G3BP2: variants seen among roughly 807,000 people sequenced by gnomAD.
G3BP2 encodes ras GTPase-activating protein-binding protein 2.
In G3BP2, 11 loss-of-function variants were observed where a neutral mutation model predicts 56.7. The observed-to-expected ratio is 0.19, with a 90% confidence interval of 0.12 to 0.32. The LOEUF (loss-of-function observed/expected upper bound fraction) is 0.32, where lower values mean the gene tolerates loss of function less well. G3BP2 is among the 10% of genes least tolerant of loss of function. The pLI is 1.00. For synonymous variants in G3BP2, 165 were observed against 191.6 expected, an observed-to-expected ratio of 0.86 and a Z score of 1.15; for missense variants, 340 against 610.9, an observed-to-expected ratio of 0.56 and a Z score of 4.67.
At chr4:75,715,303 A>G in intron 3 of G3BP2, among the ~76,000 whole-genome samples, 1 of 34,518 alleles carries the variant, frequency 2.9e-5, no homozygotes, top group African/African-American at 5.5e-5. Context: ...GTACTGAAGG[A>G]AAAAAAAACT....
At chr4:75,707,088 A>G (rs889408491) in intron 3 of G3BP2, among the ~76,000 whole-genome samples, 3 of 145,408 alleles carry the variant, frequency 2.1e-5, no homozygotes, top group Non-Finnish European at 3.0e-5. Context: ...GCTACTCGGG[A>G]GGCTGGGGCA....
Position 75,656,972 on chromosome 4 carries a change from G to T in G3BP2, c.394C>A (p.Arg132Ser). ...TCACCAAACACTTCATCTTCATAAC[G>T]AAACATATCATTGTGAACATAAAAT... ...NKFYVHNDMF[R>S]YEDEVFGDSE... is the part of the protein sequence containing the mutation. The change falls in exon 5 of 12, where the codon CGT (arginine) becomes AGT (serine). Residue 132 changes from arginine to serine, a missense_variant. Arg to Ser is a moderately radical substitution (Grantham distance 110). Transcript: ENST00000359707. 1 of 1,536,024 alleles carries T rather than the reference G, an allele frequency of 6.5e-7. No homozygotes were observed.
In G3BP2 at chr4:75,655,219, T is replaced by C; in HGVS notation, c.573A>G (p.Glu191=). The change falls in exon 7 of 12, where the codon GAA becomes GAG. Residue 191 remains glutamate, a synonymous_variant. Coordinates refer to ENST00000359707, the MANE Select transcript of G3BP2 (RefSeq NM_203505.3). The part of the protein sequence containing the change: ...VTNGIEEPLE[E]SSHEPEPEPE... Reference sequence around the variant, plus strand: ...GCTCAGGTTCAGGTTCATGAGAGGATTCTTCCAAAGGCTCCTCTATGCCAT... The same window carrying C: ...GCTCAGGTTCAGGTTCATGAGAGGACTCTTCCAAAGGCTCCTCTATGCCAT... The C allele has an allele frequency of 1.9e-6, 3 of 1,612,806 alleles. No homozygotes were observed. The highest frequency in any genetic ancestry group is 2.5e-6 in the Non-Finnish European group (3 of 1,178,862).
chr4:75,654,460 T>C (rs1410892474), intron 7 of G3BP2, among the ~76,000 whole-genome samples: 1 of 152,120 alleles, frequency 6.6e-6, no homozygotes, highest in African/African-American at 2.4e-5. Context: ...GAGGGAAGGA[T>C]AGGAAAGAAG....
At chr4:75,693,613 A>AC (rs1376676928) in intron 3 of G3BP2, among the ~76,000 whole-genome samples, 18 of 151,528 alleles carry the variant, frequency 1.2e-4, no homozygotes, top group African/African-American at 4.4e-4. Flanking sequence ...AGTTGGTGAA[A>AC]CCCCATCTCT....
chr4:75,659,285 G>GT (rs997717862), intron 2 of G3BP2, among the ~76,000 whole-genome samples: 1 of 152,064 alleles, frequency 6.6e-6, no homozygotes, highest in Non-Finnish European at 1.5e-5. Flanking sequence ...AATTGACCCT[G>GT]TTTTTTTCTT....
In G3BP2 at chr4:75,645,231, A is replaced by G; in HGVS notation, c.*199T>C. ...TCCTTAATTCTCCAAGTCTAGATTT[A>G]TAAATTAACAATGTGAATCCTGTTG... On this transcript the variant is annotated 3_prime_UTR_variant, in exon 12 of 12. Transcript: ENST00000359707. The G allele has an allele frequency of 1.7e-6, 1 of 590,426 alleles. No homozygotes were observed. Among genetic ancestry groups the G allele is most frequent in the East Asian group, 2.8e-5 (1 of 35,196 alleles). 36.6% of individuals were successfully genotyped at this position (590,426 alleles called of 1,614,324 possible).
Position 75,655,249 on chromosome 4 carries a change from A to G in G3BP2, c.546-3T>C. 6.3e-7 allele frequency: 1 copy of G among 1,595,724 alleles called. No individual in the cohort carries two copies. Among genetic ancestry groups the G allele is most frequent in the Non-Finnish European group, 8.5e-7 (1 of 1,169,836 alleles). ...CCAAAGGCTCCTCTATGCCATTACTACAATAAAATATTTAGTTCACTTTTT... is the reference window on the plus strand; with the variant it reads ...CCAAAGGCTCCTCTATGCCATTACTGCAATAAAATATTTAGTTCACTTTTT... On this transcript the variant is annotated splice_region_variant and splice_polypyrimidine_tract_variant and intron_variant, in intron 6 of 11. Coordinates refer to ENST00000359707, the MANE Select transcript of G3BP2 (RefSeq NM_203505.3).
At chr4:75,657,152 TATG>T (rs1168637754) in intron 4 of G3BP2, 138 bp from the exon 5 acceptor site, 1 of 542,890 alleles carries the variant, frequency 1.8e-6, no homozygotes, top group Non-Finnish European at 3.2e-6. Flanking sequence ...CTGAACATGC[TATG>T]ATGTTTATAT....
At chr4:75,704,643 A>T (rs1719475366) in intron 3 of G3BP2, among the ~76,000 whole-genome samples, 1 of 140,062 alleles carries the variant, frequency 7.1e-6, no homozygotes, top group Admixed American at 7.1e-5. Flanking sequence ...ATTTAATTTA[A>T]TTTTTTTGAG....
intron 3 of G3BP2, among the ~76,000 whole-genome samples, chr4:75,720,375 G>A (rs934020788): frequency 6.6e-6 from 1 of 151,884 alleles, no homozygotes; most frequent in African/African-American, 2.4e-5. Context: ...GGTGGCGGGC[G>A]CCTGTAGTCC....
intron 3 of G3BP2, among the ~76,000 whole-genome samples, chr4:75,719,696 T>C (rs1027846159): frequency 6.6e-6 from 1 of 151,912 alleles, no homozygotes; most frequent in African/African-American, 2.4e-5. Context: ...TTTAAGCGAT[T>C]CTCCTGCCTC....
intron 1 of G3BP2, among the ~76,000 whole-genome samples, chr4:75,665,633 AC>A (rs1226669969): frequency 3.1e-5 from 2 of 65,438 alleles, no homozygotes; most frequent in African/African-American, 1.0e-4. Flanking sequence ...ACAAACACAC[AC>A]ACACACACAA....
At chr4:75,689,408 C>A (rs1392663239) in intron 3 of G3BP2, among the ~76,000 whole-genome samples, 1 of 151,666 alleles carries the variant, frequency 6.6e-6, no homozygotes, top group African/African-American at 2.4e-5. Context: ...CCAAATCATG[C>A]CAATGGAAAA....
At chr4:75,704,374 G>C (rs907761637) in intron 3 of G3BP2, among the ~76,000 whole-genome samples, 8 of 151,992 alleles carry the variant, frequency 5.3e-5, no homozygotes, top group Middle Eastern at 3.2e-3. Context: ...CTAGAGTGCA[G>C]TGGTGCTATC....
chr4:75,656,860 G>C, intron 5 of G3BP2, 64 bp downstream of exon 5: 1 of 746,922 alleles, frequency 1.3e-6, no homozygotes, highest in Non-Finnish European at 2.3e-6. Context: ...CATACTTATA[G>C]AAATTAGTCC....
At chr4:75,710,850 A>T (rs916353366) in intron 3 of G3BP2, among the ~76,000 whole-genome samples, 16 of 151,760 alleles carry the variant, frequency 1.1e-4, no homozygotes, top group African/African-American at 3.9e-4. Context: ...TTTTTAAGAG[A>T]TGGGGGTCTC....
chr4:75,657,636 A>G lies in G3BP2; in HGVS notation c.272T>C (p.Val91Ala), dbSNP rs1334099676. The G allele has an allele frequency of 6.2e-7, 1 of 1,613,126 alleles. No individual in the cohort carries two copies. Among genetic ancestry groups the G allele is most frequent in the Non-Finnish European group, 8.5e-7 (1 of 1,179,182 alleles). The change falls in exon 4 of 12, where the codon GTT becomes GCT. Residue 91 changes from valine (V) to alanine (A), a missense_variant. Transcript: ENST00000359707. Reference protein sequence around the residue: ...DAHATLSDGVVVQVMGLLSNS... With the variant: ...DAHATLSDGVAVQVMGLLSNS... ...AGACAGCAAACCCATGACCTGGACA[A>G]CTACTCCATCACTCAAGGTTGCATG... is the stretch of plus-strand genomic sequence containing the variant.
chr4:75,667,141 T>G (rs765130148), intron 1 of G3BP2, among the ~76,000 whole-genome samples: 2 of 151,824 alleles, frequency 1.3e-5, no homozygotes, highest in Non-Finnish European at 2.9e-5. Context: ...TACAAAAAAT[T>G]AGCGGGGCGT....
Sources: gnomAD v4.1 joint callset for allele counts (sites outside exome capture counted in the v4.1 genomes callset) on GRCh38, gnomAD v4.1.1 for gene constraint, MANE v1.5 for transcripts, NCBI Gene and HGNC (gene_info 2026-07-23, HGNC 2026-07-21) for gene names.